The following CHRNA2 variants were observed in gnomAD, a reference collection of about 807,000 sequenced individuals.
The protein encoded by CHRNA2 is cholinergic receptor nicotinic alpha 2 subunit, also known as neuronal acetylcholine receptor subunit alpha-2.
In CHRNA2, 40 loss-of-function variants were observed where a neutral mutation model predicts 45.5. That is an observed-to-expected ratio of 0.88 (90% confidence interval 0.68 to 1.15). The LOEUF (loss-of-function observed/expected upper bound fraction) is 1.15. Among genes scored for constraint, CHRNA2 ranks in the 50% most tolerant of loss-of-function variants. The pLI, the probability that CHRNA2 is intolerant of heterozygous loss-of-function variation, is 0.00. For missense variants in CHRNA2, 655 were observed against 701.7 expected, an observed-to-expected ratio of 0.93 and a Z score of 0.75; for synonymous variants, 301 against 296.7, an observed-to-expected ratio of 1.01 and a Z score of -0.15.
Position 27,467,373 on chromosome 8 carries a change from T to A in CHRNA2, c.340-35A>T, listed in dbSNP as rs763842246. 35 of 1,537,760 alleles carry A rather than the reference T, an allele frequency of 2.3e-5. No homozygotes were observed. The East Asian group carries it at 7.9e-4, about 35-fold the overall frequency. On this transcript the variant is annotated intron_variant, in intron 4 of 6. Coordinates refer to ENST00000407991, the MANE Select transcript of CHRNA2 (RefSeq NM_000742.4). Reference sequence around the variant, plus strand: ...GGGAAGGAGTTGTGTCAACCTCGCTTCCAGGGAGCAGCCTAGGGCAAAGCT... The same window carrying A: ...GGGAAGGAGTTGTGTCAACCTCGCTACCAGGGAGCAGCCTAGGGCAAAGCT...
intron 3 of CHRNA2, 73 bp from the exon 4 acceptor site, chr8:27,469,452 G>A (rs1812800311): frequency 1.3e-6 from 2 of 1,482,910 alleles, no homozygotes; most frequent in Non-Finnish European, 9.2e-7. Flanking sequence ...GAGTGGGATG[G>A]GCTGTTTTCA....
At position 27,463,149 on chromosome 8, in the gene CHRNA2, A is replaced by AG. The variant is rs751842443; in HGVS notation, c.1293dup (p.Ser432LeufsTer21). On this transcript the variant is annotated frameshift_variant, in exon 6 of 7. Transcript: ENST00000407991. LOFTEE classifies it high-confidence loss of function. This position sits in a 1 kb window ranked among gnomAD's most constrained non-coding sequence, Gnocchi z 6.1. ...CCGTGGCTGCAGAGGGTGCCCACAG[A>AG]GGGGGCCACATGACCTGCACATGCC... 1.2e-6 allele frequency: 2 copies of AG among 1,602,598 alleles called. No individual in the cohort carries two copies. The highest frequency in any genetic ancestry group is 8.5e-7 in the Non-Finnish European group (1 of 1,171,086).
rs1345764001 is a variant in CHRNA2, at chr8:27,460,219, C to T, written c.*1410G>A. 2 of 152,248 alleles carry T rather than the reference C, an allele frequency of 1.3e-5. No homozygotes were observed. The highest frequency in any genetic ancestry group is 2.9e-5 in the Non-Finnish European group (2 of 68,078). The allele number at this position is 152,248 out of a possible 1,614,324, so 9.4% of individuals were successfully genotyped here. ...CCAATGTCCCACCCTCCAGTCTGGA[C>T]AGAGTTGGGGGGAGGTCTGTTGCCC... On this transcript the variant is annotated 3_prime_UTR_variant, in exon 7 of 7. Coordinates refer to ENST00000407991, the MANE Select transcript of CHRNA2 (RefSeq NM_000742.4).
At position 27,463,217 on chromosome 8, in the gene CHRNA2, T is replaced by A; in HGVS notation, c.1226A>T (p.Asp409Val). Residue 409 changes from aspartate to valine, a missense_variant, in exon 6 of 7, where the codon GAT (aspartate) becomes GTT (valine). Asp to Val is a radical substitution (Grantham distance 152, BLOSUM62 -3). Coordinates refer to ENST00000407991, the MANE Select transcript of CHRNA2 (RefSeq NM_000742.4). This position sits in a 1 kb window ranked among gnomAD's most constrained non-coding sequence, Gnocchi z 6.1. Reference sequence around the variant, plus strand: ...CACCACCACCTCCCTCTCCTCGGCATCCACGTTGCTCTCCAGCCAGTGATA... The same window carrying A: ...CACCACCACCTCCCTCTCCTCGGCAACCACGTTGCTCTCCAGCCAGTGATA... ...PSYHWLESNV[D>V]AEEREVVVEE... The A allele has an allele frequency of 1.3e-6, 2 of 1,589,432 alleles. No homozygotes were observed. Among genetic ancestry groups the A allele is most frequent in the Non-Finnish European group, 1.7e-6 (2 of 1,164,630 alleles).
At chr8:27,474,733 G>A (rs775109619) in intron 1 of CHRNA2, among the ~76,000 whole-genome samples, 16 of 152,234 alleles carry the variant, frequency 1.1e-4, no homozygotes, top group Non-Finnish European at 1.9e-4. Flanking sequence ...AAGAGCTCTC[G>A]TTCAGGAGTG....
At chr8:27,469,616 C>G in intron 3 of CHRNA2, 145 bp downstream of exon 3, 2 of 1,054,760 alleles carry the variant, frequency 1.9e-6, no homozygotes, top group Non-Finnish European at 2.9e-6. Flanking sequence ...GAGAGCGTAG[C>G]CGCCCTGGGA....
chr8:27,465,983 G>A (rs1418058914), intron 5 of CHRNA2, among the ~76,000 whole-genome samples: 4 of 152,252 alleles, frequency 2.6e-5, no homozygotes, highest in Admixed American at 1.3e-4. Flanking sequence ...TGTCAAACTC[G>A]AAGTCATATT....
chr8:27,469,702 A>G (rs995570511), intron 3 of CHRNA2, 59 bp downstream of exon 3: 7 of 1,593,706 alleles, frequency 4.4e-6, no homozygotes, highest in African/African-American at 1.3e-5. Context: ...GAGCAGGGGG[A>G]AAGCGGTGGG....
rs78426134 is a variant in CHRNA2 at position 27,479,135 on chromosome 8, C to G, written c.-448G>C. ...GGCTTCATGCAGGTGCCACTGAGGA[C>G]AGCCCAGGCAGCCCAGCACAAGCGA... On this transcript the variant is annotated 5_prime_UTR_variant, in exon 1 of 7. Transcript: ENST00000407991. 1.3e-5 allele frequency: 2 copies of G among 152,356 alleles called. No individual in the cohort carries two copies. The highest frequency in any genetic ancestry group is 4.8e-5 in the African/African-American group (2 of 41,400). The allele number at this position is 152,356 out of a possible 1,614,324, so 9.4% of individuals were successfully genotyped here.
At chr8:27,468,148 A>G (rs1393382300) in intron 4 of CHRNA2, among the ~76,000 whole-genome samples, 2 of 152,222 alleles carry the variant, frequency 1.3e-5, no homozygotes, top group Non-Finnish European at 2.9e-5. Context: ...CTCATCCAGT[A>G]TCACAAGCTA....
intron 1 of CHRNA2, among the ~76,000 whole-genome samples, chr8:27,476,121 TTTG>T (rs1450859066): frequency 1.3e-5 from 2 of 152,170 alleles, no homozygotes; most frequent in Admixed American, 6.5e-5. Context: ...CCTCATTCAT[TTTG>T]TTGTTGTTGT....
Position 27,471,786 on chromosome 8 carries a change from C to T in CHRNA2, c.-136-592G>A, listed in dbSNP as rs78248130. Among the ~76,000 whole-genome samples the T allele has an allele frequency of 3.4e-3, 515 of 152,326 alleles. 2 individuals are homozygous for T. The highest frequency in any genetic ancestry group is 0.012 in the African/African-American group (489 of 41,576). The stretch of plus-strand genomic sequence containing the variant: ...ATATATTTGGTCTTCAATCCTATCT[C>T]CTGGAATACAACTCCTAAGATACTG... On this transcript the variant is annotated intron_variant, in intron 1 of 6. Transcript: ENST00000407991.
intron 3 of CHRNA2, 187 bp downstream of exon 3, chr8:27,469,574 T>C: frequency 1.1e-6 from 1 of 873,476 alleles, no homozygotes; most frequent in Non-Finnish European, 1.8e-6. Context: ...ATCAATGCCC[T>C]CCTAGGAGGG....
chr8:27,472,023 G>A (rs934890028), intron 1 of CHRNA2, among the ~76,000 whole-genome samples: 1 of 152,178 alleles, frequency 6.6e-6, no homozygotes, highest in Admixed American at 6.5e-5. Flanking sequence ...GCATAATGAG[G>A]CCTCCATAAA....
rs1484580943 is a variant in CHRNA2 at position 27,471,100 on chromosome 8, G to C, written c.-42C>G. 5 of 1,580,960 alleles carry C rather than the reference G, an allele frequency of 3.2e-6. No individual in the cohort carries two copies. Among genetic ancestry groups the C allele is most frequent in the Non-Finnish European group, 2.6e-6 (3 of 1,150,642 alleles). ...CAGGAGGTCAGGTCAGGGCTTTGCT[G>C]TGGGTTGCACCATGGACCATGTCCC... On this transcript the variant is annotated 5_prime_UTR_variant, in exon 2 of 7. Transcript: ENST00000407991.
At chr8:27,476,412 C>T (rs539139863) in intron 1 of CHRNA2, among the ~76,000 whole-genome samples, 29 of 152,306 alleles carry the variant, frequency 1.9e-4, no homozygotes, top group African/African-American at 2.9e-4. Context: ...AGCTTTTCCT[C>T]GAGTCTGAAT....
intron 1 of CHRNA2, among the ~76,000 whole-genome samples, chr8:27,473,700 C>G (rs1482670791): frequency 1.3e-5 from 2 of 151,906 alleles, no homozygotes; most frequent in African/African-American, 2.4e-5. Flanking sequence ...AAGCAAGATC[C>G]CATCTCAAAA....
In CHRNA2 at chr8:27,473,531, C is replaced by CCT. The variant is rs1554516137; in HGVS notation, c.-136-2338_-136-2337insAG. ...CCTGGGCAACATAGTGAGACCCCCC[C>CCT]CGCCGTCTCTACAAAAAATTCAAAA... On this transcript the variant is annotated intron_variant, in intron 1 of 6. Transcript: ENST00000407991. Among the ~76,000 whole-genome samples, 56 of 125,668 alleles carry CCT rather than the reference C, an allele frequency of 4.5e-4. 5 individuals carry two copies. The South Asian group carries it at 0.013, about 29-fold the overall frequency. 82.4% of individuals were successfully genotyped at this position (125,668 alleles called of 152,430 possible).
chr8:27,467,214 C>T lies in CHRNA2; in HGVS notation c.449+15G>A. 6.2e-7 allele frequency: 1 copy of T among 1,604,420 alleles called. No individual in the cohort carries two copies. Among genetic ancestry groups the T allele is most frequent in the Non-Finnish European group, 8.5e-7 (1 of 1,171,254 alleles). On this transcript the variant is annotated intron_variant, in intron 5 of 6. Coordinates refer to ENST00000407991, the MANE Select transcript of CHRNA2 (RefSeq NM_000742.4). ...GGCCTCCCCTCATCCCCCCAGGACC[C>T]CAATGGCTTCCTACTTGTTGTAGAG...
Sources: gnomAD v4.1 joint callset for allele counts (sites outside exome capture counted in the v4.1 genomes callset) on GRCh38, gnomAD v4.1.1 for gene constraint, Gnocchi (gnomAD v3.1) non-coding constraint, MANE v1.5 for transcripts, NCBI Gene and HGNC (gene_info 2026-07-23, HGNC 2026-07-21) for gene names.